Variants in MAP1B observed in about 807,000 individuals in gnomAD.
The protein encoded by MAP1B is microtubule-associated protein 1B.
In MAP1B, 12 loss-of-function variants were observed where a neutral mutation model predicts 176.1. The ratio of observed to expected loss-of-function variants is 0.07; its 90% CI spans 0.04 to 0.11. MAP1B has a LOEUF of 0.11. MAP1B is among the 10% of genes least tolerant of loss of function. MAP1B has a pLI of 1.00. For synonymous variants in MAP1B, 1,044 were observed against 1,135.0 expected (o/e 0.92, Z 1.61); for missense variants, 2,523 against 2,990.5 (o/e 0.84, Z 3.65).
At chr5:72,129,920 G>A (rs1312674464) in intron 2 of MAP1B, among the ~76,000 whole-genome samples, 1 of 152,100 alleles carries the variant, frequency 6.6e-6, no homozygotes, top group Non-Finnish European at 1.5e-5. Flanking sequence ...ACTATTTGGA[G>A]CCTTTGGAAT....
chr5:72,207,662 T>G lies in MAP1B; in HGVS notation c.*2423T>G, dbSNP rs1376985075. ...TTTCATTGAGTATAAACTCATCTAC[T>G]TCAAATTTATTTTATAACACAACCT... On this transcript the variant is annotated 3_prime_UTR_variant, in exon 7 of 7. Transcript: ENST00000296755. 6.6e-6 allele frequency: 1 copy of G among 152,188 alleles called. No homozygotes were observed. 9.4% of individuals were successfully genotyped at this position (152,188 alleles called of 1,614,324 possible). A position where few individuals can be genotyped will look rare whatever the true frequency, so the allele number is the denominator to read the frequency against.
intron 3 of MAP1B, 113 bp downstream of exon 3, chr5:72,183,938 GTTCTGGGTTAAGAGGTC>G (rs1746835973): frequency 3.3e-6 from 3 of 905,480 alleles, no homozygotes; most frequent in Non-Finnish European, 5.2e-6. Context: ...ACAGAGAGAA[GTTCTGGGTTAAGAGGTC>G]TTTCTCAACC....
rs570357353 is a variant in MAP1B, at chr5:72,195,580, C to T, written c.2225C>T (p.Ser742Leu). 83 of 1,613,880 alleles carry T rather than the reference C, an allele frequency of 5.1e-5. 2 individuals are homozygous for T. In the South Asian group the frequency reaches 9.0e-4, roughly 18 times the overall value. Residue 742 changes from serine (S) to leucine (L), a missense_variant, in exon 5 of 7, where the codon TCA becomes TTA. By Grantham distance (145) the Ser-to-Leu change is moderately radical. Coordinates refer to ENST00000296755, the MANE Select transcript of MAP1B (RefSeq NM_005909.5). ...IKKLPKDAKK[S>L]STPLSEAKKP... is the part of the protein sequence containing the mutation. The stretch of plus-strand genomic sequence containing the variant: ...AAGCTCCCTAAAGACGCAAAGAAAT[C>T]ATCTACTCCTCTGTCTGAAGCAAAA...
At chr5:72,160,289 G>A (rs1746304540) in intron 2 of MAP1B, among the ~76,000 whole-genome samples, 1 of 151,634 alleles carries the variant, frequency 6.6e-6, no homozygotes. Flanking sequence ...CTCTGAAAAA[G>A]GAATCACATC....
rs754266706 is a variant in MAP1B at position 72,199,554 on chromosome 5, A to G, written c.6199A>G (p.Thr2067Ala). The change falls in exon 5 of 7, where the codon ACT becomes GCT. Residue 2067 changes from threonine (T) to alanine (A), a missense_variant. This residue lies in a region of MAP1B where 1,925 missense variants were observed against 2,126.0 expected (regional missense o/e 0.91). Coordinates refer to ENST00000296755, the MANE Select transcript of MAP1B (RefSeq NM_005909.5). This position sits in a 1 kb window ranked among gnomAD's most constrained non-coding sequence, Gnocchi z 4.2. ...YSYETSDLCY[T>A]AEKKSPSEAR... The stretch of plus-strand genomic sequence containing the variant: ...CTACGAGACTTCAGACCTATGCTAC[A>G]CTGCAGAAAAGAAGTCCCCCTCAGA... 51 of 1,614,090 alleles carry G rather than the reference A, an allele frequency of 3.2e-5. No homozygotes were observed. Among genetic ancestry groups the G allele is most frequent in the Admixed American group, 1.0e-4 (6 of 60,022 alleles).
chr5:72,165,851 A>G (rs962092449), intron 2 of MAP1B, among the ~76,000 whole-genome samples: 1 of 152,192 alleles, frequency 6.6e-6, no homozygotes, highest in Non-Finnish European at 1.5e-5. Context: ...ACCGTGATAG[A>G]GCATGCTATG....
chr5:72,198,855 G>A lies in MAP1B; in HGVS notation c.5500G>A (p.Ala1834Thr). 6.2e-7 allele frequency: 1 copy of A among 1,614,200 alleles called. No homozygotes were observed. Residue 1834 changes from alanine (A) to threonine (T), a missense_variant, in exon 5 of 7, where the codon GCC becomes ACC. Ala to Thr is a moderately conservative substitution (Grantham distance 58). This residue lies in a region of MAP1B where 1,925 missense variants were observed against 2,126.0 expected (regional missense o/e 0.91). Coordinates refer to ENST00000296755, the MANE Select transcript of MAP1B (RefSeq NM_005909.5). ...ATCCGCAGAGCCCTATGGCTTCCGT[G>A]CCTCAGTGTTATTCGATACAATGCA... ...AASAEPYGFR[A>T]SVLFDTMQHH... is the part of the protein sequence containing the mutation.
chr5:72,197,487 A>C lies in MAP1B; in HGVS notation c.4132A>C (p.Ser1378Arg), dbSNP rs1747210081. Residue 1378 changes from serine to arginine, a missense_variant, in exon 5 of 7, where the codon AGC (serine) becomes CGC (arginine). Physicochemically the swap from Ser to Arg is moderately radical, Grantham distance 110 (BLOSUM62 -1). Around this residue, in one of 4 missense-constraint regions of MAP1B, gnomAD observed 1,925 missense variants for 2,126.0 expected, o/e 0.91. Coordinates refer to ENST00000296755, the MANE Select transcript of MAP1B (RefSeq NM_005909.5). The part of the protein sequence containing the change: ...AKDENERASV[S>R]PMDEPVPDSE... The stretch of plus-strand genomic sequence containing the variant: ...AGATGAGAATGAAAGGGCTTCAGTA[A>C]GCCCCATGGATGAGCCCGTGCCTGA... The C allele has an allele frequency of 1.2e-6, 2 of 1,614,192 alleles. No homozygotes were observed. The highest frequency in any genetic ancestry group is 1.7e-6 in the Non-Finnish European group (2 of 1,180,032).
At chr5:72,172,791 T>A (rs1746571397) in intron 2 of MAP1B, among the ~76,000 whole-genome samples, 1 of 152,198 alleles carries the variant, frequency 6.6e-6, no homozygotes, top group African/African-American at 2.4e-5. Context: ...CTTATTATGT[T>A]GTTATTGATC....
Position 72,147,291 on chromosome 5 carries a change from A to G in MAP1B, c.286+31492A>G, listed in dbSNP as rs552071587. Among the ~76,000 whole-genome samples, 7 of 152,188 alleles carry G rather than the reference A, an allele frequency of 4.6e-5. No individual in the cohort carries two copies. In the South Asian group the frequency reaches 1.5e-3, roughly 32 times the overall value. ...GCCCAAAATCTTCTTAAAAAACAAAAGAAAATGGCAAAGCCTAGAACCAAG... is the reference window on the plus strand; with the variant it reads ...GCCCAAAATCTTCTTAAAAAACAAAGGAAAATGGCAAAGCCTAGAACCAAG... On this transcript the variant is annotated intron_variant, in intron 2 of 6. Transcript: ENST00000296755.
intron 2 of MAP1B, among the ~76,000 whole-genome samples, chr5:72,122,932 T>A (rs1745557902): frequency 6.6e-6 from 1 of 152,154 alleles, no homozygotes; most frequent in Non-Finnish European, 1.5e-5. Flanking sequence ...AGCTCATGAT[T>A]TTTGTTAGTA....
intron 2 of MAP1B, among the ~76,000 whole-genome samples, chr5:72,157,541 T>C (rs763090794): frequency 6.6e-6 from 1 of 152,134 alleles, no homozygotes; most frequent in Non-Finnish European, 1.5e-5. Flanking sequence ...GCCATGGGCT[T>C]CCCCACCCTC....
intron 2 of MAP1B, among the ~76,000 whole-genome samples, chr5:72,137,698 C>T (rs1727261338): frequency 1.3e-5 from 2 of 152,168 alleles, no homozygotes; most frequent in South Asian, 4.1e-4. Context: ...CCAGAATTGA[C>T]AACAGAAATG....
chr5:72,176,217 A>C (rs1746652749), intron 2 of MAP1B, among the ~76,000 whole-genome samples: 1 of 152,188 alleles, frequency 6.6e-6, no homozygotes, highest in Non-Finnish European at 1.5e-5. Flanking sequence ...GCACGCACAC[A>C]CTCACACACA....
intron 2 of MAP1B, among the ~76,000 whole-genome samples, chr5:72,121,446 T>C (rs1300248292): frequency 2.6e-5 from 4 of 152,268 alleles, no homozygotes; most frequent in Admixed American, 2.0e-4. Flanking sequence ...ATGGTGTATA[T>C]GGGCAGTTTT....
intron 4 of MAP1B, among the ~76,000 whole-genome samples, chr5:72,192,124 T>G (rs1276939224): frequency 6.6e-6 from 1 of 152,238 alleles, no homozygotes; most frequent in Non-Finnish European, 1.5e-5. Context: ...ATTTGCCCCC[T>G]AAAACATATT....
chr5:72,174,954 G>T, intron 2 of MAP1B, among the ~76,000 whole-genome samples: 1 of 75,790 alleles, frequency 1.3e-5, no homozygotes, highest in South Asian at 5.6e-4. Flanking sequence ...TCCCCTCTTT[G>T]GCCCTTCCTT....
chr5:72,111,950 C>A (rs1231989469), intron 1 of MAP1B, among the ~76,000 whole-genome samples: 2 of 151,424 alleles, frequency 1.3e-5, no homozygotes, highest in East Asian at 3.9e-4. Flanking sequence ...AAGTTGCTGG[C>A]TTTAAAAAAA....
At chr5:72,135,240 A>C (rs185671773) in intron 2 of MAP1B, among the ~76,000 whole-genome samples, 12 of 152,190 alleles carry the variant, frequency 7.9e-5, no homozygotes, top group African/African-American at 2.9e-4. Flanking sequence ...TAACTTTCTC[A>C]TCTGTCCAAT....
Sources: allele counts gnomAD v4.1 joint callset (sites outside exome capture counted in the v4.1 genomes callset), GRCh38; gene constraint gnomAD v4.1.1; regional missense constraint gnomAD v4.1.1; non-coding constraint Gnocchi (gnomAD v3.1); transcripts MANE v1.5; gene names NCBI Gene and HGNC (gene_info 2026-07-23, HGNC 2026-07-21).